Variants in ASIC2 observed in about 807,000 individuals in gnomAD.
ASIC2 encodes the protein acid-sensing ion channel 2.
Under a neutral mutation model 57.3 loss-of-function variants are expected in ASIC2, and 25 were observed. The observed-to-expected ratio is 0.44, with a 90% CI of 0.32 to 0.61. The LOEUF (loss-of-function observed/expected upper bound fraction) is 0.61, where lower values mean the gene tolerates loss of function less well. Ranked by LOEUF, ASIC2 falls within the 20% of genes least tolerant of loss-of-function variation. ASIC2 has a pLI of 0.06. For missense variants in ASIC2, 641 were observed against 738.1 expected, an observed-to-expected ratio of 0.87 and a Z score of 1.52; for synonymous variants, 319 against 307.5, an observed-to-expected ratio of 1.04 and a Z score of -0.39.
At position 33,317,269 on chromosome 17, in the gene ASIC2, AG is replaced by A. The variant is rs372794455; in HGVS notation, c.556-205203del. ...TTGTCAGAGTACCAGGCATGCTGTG[AG>A]CAGTTCCTCCTGCTGCAATCAAGGG... On this transcript the variant is annotated intron_variant, in intron 1 of 9. Transcript: ENST00000359872. Among the ~76,000 whole-genome samples, 389 of 152,258 alleles carry A rather than the reference AG, an allele frequency of 2.6e-3. 3 individuals are homozygous for A. Among genetic ancestry groups the A allele is most frequent in the African/African-American group, 9.0e-3 (372 of 41,546 alleles).
chr17:33,017,315 C>G (rs959345313), intron 8 of ASIC2, among the ~76,000 whole-genome samples: 7 of 152,224 alleles, frequency 4.6e-5, no homozygotes, highest in Admixed American at 3.9e-4. Flanking sequence ...GTCTGGCCCC[C>G]TTCCCCTCAT....
intron 1 of ASIC2, among the ~76,000 whole-genome samples, chr17:33,401,697 G>T (rs1465385626): frequency 6.6e-6 from 1 of 152,144 alleles, no homozygotes; most frequent in Non-Finnish European, 1.5e-5. Flanking sequence ...AAAATTAAAT[G>T]ACCATAAAAT....
intron 1 of ASIC2, among the ~76,000 whole-genome samples, chr17:33,784,701 A>G (rs765250291): frequency 6.6e-5 from 10 of 152,150 alleles, no homozygotes; most frequent in Admixed American, 1.3e-4. Flanking sequence ...TCTGGTTTGT[A>G]TTTTATACCT....
intron 1 of ASIC2, among the ~76,000 whole-genome samples, chr17:33,755,820 C>T (rs1037743940): frequency 1.3e-5 from 2 of 152,130 alleles, no homozygotes; most frequent in Admixed American, 6.5e-5. Context: ...AAGAAGGCAT[C>T]AGAGGATATT....
chr17:33,406,863 G>A (rs1910492524), intron 1 of ASIC2, among the ~76,000 whole-genome samples: 1 of 152,214 alleles, frequency 6.6e-6, no homozygotes, highest in Non-Finnish European at 1.5e-5. Context: ...AACTGTATTT[G>A]CAGAAGATGT....
chr17:33,025,626 C>T (rs559825152), intron 5 of ASIC2, among the ~76,000 whole-genome samples: 3 of 152,170 alleles, frequency 2.0e-5, no homozygotes, highest in Non-Finnish European at 4.4e-5. Context: ...CATTCCTTAG[C>T]ACCCTCTGTT....
intron 1 of ASIC2, among the ~76,000 whole-genome samples, chr17:33,314,774 T>A (rs1247825449): frequency 6.6e-6 from 1 of 152,254 alleles, no homozygotes; most frequent in Non-Finnish European, 1.5e-5. Context: ...AACGATTCTA[T>A]TTTTATGCTT....
chr17:33,310,111 T>C (rs1386640978), intron 1 of ASIC2, among the ~76,000 whole-genome samples: 3 of 151,824 alleles, frequency 2.0e-5, no homozygotes, highest in Non-Finnish European at 4.4e-5. Flanking sequence ...TTGATGCTTG[T>C]TCATTGAAGC....
chr17:33,923,072 C>G (rs942653855), intron 1 of ASIC2, among the ~76,000 whole-genome samples: 5 of 152,156 alleles, frequency 3.3e-5, no homozygotes, highest in African/African-American at 1.2e-4. Flanking sequence ...ACCCAGCAAA[C>G]AGGAAAGCAA....
intron 1 of ASIC2, among the ~76,000 whole-genome samples, chr17:33,862,984 TC>T (rs1447801967): frequency 1.3e-5 from 2 of 152,166 alleles, no homozygotes; most frequent in Non-Finnish European, 2.9e-5. Flanking sequence ...CTGCAGCTCT[TC>T]CCCTTCCAGC....
Position 33,595,792 on chromosome 17 carries a change from TG to T in ASIC2, c.556-483726del, listed in dbSNP as rs200925441. On this transcript the variant is annotated intron_variant, in intron 1 of 9. Coordinates refer to the ASIC2 transcript ENST00000359872. ...GCATCGTTTTCAGGAATACTTGGGG[TG>T]GAATGACCCACAAAGGGGTTTAACT... is the stretch of plus-strand genomic sequence containing the variant. 8.7e-3 allele frequency among the ~76,000 whole-genome samples: 1,323 copies of T among 152,290 alleles called. 15 individuals are homozygous for T. Among genetic ancestry groups the T allele is most frequent in the African/African-American group, 0.028 (1,166 of 41,572 alleles).
At chr17:33,111,498 G>T (rs779094144) in intron 2 of ASIC2, among the ~76,000 whole-genome samples, 4 of 152,098 alleles carry the variant, frequency 2.6e-5, no homozygotes, top group East Asian at 3.9e-4. Flanking sequence ...AGCCCCTCCA[G>T]CTTCCCCCAG....
At chr17:34,055,070 A>G (rs1015844846) in intron 1 of ASIC2, among the ~76,000 whole-genome samples, 4 of 152,214 alleles carry the variant, frequency 2.6e-5, no homozygotes, top group Non-Finnish European at 5.9e-5. Context: ...AGTGGGACTA[A>G]AGGACAGGAA....
chr17:33,135,100 C>G (rs988791167), intron 1 of ASIC2, among the ~76,000 whole-genome samples: 1 of 152,118 alleles, frequency 6.6e-6, no homozygotes, highest in Admixed American at 6.5e-5. Flanking sequence ...TAAAATGGGA[C>G]TGGAATGTGG....
intron 1 of ASIC2, among the ~76,000 whole-genome samples, chr17:34,092,438 C>T (rs187213792): frequency 2.0e-5 from 3 of 152,232 alleles, no homozygotes; most frequent in Admixed American, 2.0e-4. Flanking sequence ...TGATTAAGTC[C>T]CACCCTTGTC....
At chr17:33,971,198 C>T (rs1276819672) in intron 1 of ASIC2, among the ~76,000 whole-genome samples, 1 of 152,142 alleles carries the variant, frequency 6.6e-6, no homozygotes, top group Non-Finnish European at 1.5e-5. Context: ...AGTGGGGCTC[C>T]AAGCCGGCTG....
intron 1 of ASIC2, among the ~76,000 whole-genome samples, chr17:33,148,274 A>T (rs139437970): frequency 6.6e-6 from 1 of 152,354 alleles, no homozygotes; most frequent in African/African-American, 2.4e-5. Flanking sequence ...CACATAAGCC[A>T]GCAGTGATTA....
intron 1 of ASIC2, among the ~76,000 whole-genome samples, chr17:33,788,325 A>G (rs1346334316): frequency 6.6e-6 from 1 of 152,232 alleles, no homozygotes; most frequent in Non-Finnish European, 1.5e-5. Flanking sequence ...ACTCATCATC[A>G]GAGAAATGCA....
chr17:33,144,747 G>A (rs2142022070), intron 1 of ASIC2, among the ~76,000 whole-genome samples: 1 of 152,276 alleles, frequency 6.6e-6, no homozygotes, highest in African/African-American at 2.4e-5. Flanking sequence ...TGAGCCCAGA[G>A]CTCATGAGGG....
Sources: allele counts gnomAD v4.1 joint callset (sites outside exome capture counted in the v4.1 genomes callset), GRCh38; gene constraint gnomAD v4.1.1; transcripts MANE v1.5; gene names NCBI Gene and HGNC (gene_info 2026-07-23, HGNC 2026-07-21).